TNKS: variants seen among roughly 807,000 people sequenced by gnomAD.
TNKS encodes tankyrase.
TNKS carries 72 observed loss-of-function variants against 135.8 expected under a neutral mutation model. The ratio of observed to expected loss-of-function variants is 0.53; its 90% CI spans 0.44 to 0.64. TNKS has a LOEUF of 0.64. Ranked by LOEUF, TNKS falls within the 30% of genes least tolerant of loss-of-function variation. The pLI, the probability that TNKS is intolerant of heterozygous loss-of-function variation, is 0.00. For missense variants in TNKS, 1,769 were observed against 1,674.0 expected (o/e 1.06, Z -0.99); for synonymous variants, 849 against 649.3 (o/e 1.31, Z -4.68).
intron 8 of TNKS, among the ~76,000 whole-genome samples, chr8:9,708,089 A>G (rs747044063): frequency 3.3e-5 from 5 of 152,138 alleles, no homozygotes; most frequent in Admixed American, 6.5e-5. Flanking sequence ...CTTTTGGTGG[A>G]CATTTAGGTT....
intron 3 of TNKS, among the ~76,000 whole-genome samples, chr8:9,645,005 G>A (rs770548276): frequency 6.6e-6 from 1 of 152,130 alleles, no homozygotes; most frequent in Non-Finnish European, 1.5e-5. Context: ...GATGTATCAT[G>A]GGTTTGGTGT....
At chr8:9,735,299 T>A in intron 16 of TNKS, 78 bp from the exon 17 acceptor site, 1 of 1,348,096 alleles carries the variant, frequency 7.4e-7, no homozygotes, top group Non-Finnish European at 1.0e-6. Flanking sequence ...CTTAACATTT[T>A]CTGGTCCTTA....
intron 20 of TNKS, among the ~76,000 whole-genome samples, chr8:9,753,075 G>A (rs866239362): frequency 3.3e-5 from 5 of 151,904 alleles, no homozygotes; most frequent in African/African-American, 1.2e-4. Context: ...AGCCAGAGGA[G>A]CCCAGTATTT....
At chr8:9,747,404 C>T (rs1211676468) in intron 17 of TNKS, among the ~76,000 whole-genome samples, 2 of 152,038 alleles carry the variant, frequency 1.3e-5, no homozygotes, top group African/African-American at 2.4e-5. Context: ...GTCAATGGTT[C>T]AGGGTCTCAT....
At chr8:9,694,428 C>T (rs375185413) in intron 5 of TNKS, among the ~76,000 whole-genome samples, 1 of 152,030 alleles carries the variant, frequency 6.6e-6, no homozygotes, top group East Asian at 1.9e-4. Flanking sequence ...AGTAAAAGAT[C>T]GTGGCAAGTG....
At chr8:9,557,572 TTATATTGGAAATACA>T (rs1701407692) in intron 1 of TNKS, 2 of 152,154 alleles carry the variant, frequency 1.3e-5, no homozygotes, top group Non-Finnish European at 1.5e-5. Flanking sequence ...ATTAGAAACA[TTATATTGGAAATACA>T]TATATTGTAC....
intron 5 of TNKS, among the ~76,000 whole-genome samples, chr8:9,693,330 G>GA (rs1417519419): frequency 8.6e-5 from 13 of 151,732 alleles, no homozygotes; most frequent in Non-Finnish European, 1.3e-4. Flanking sequence ...ATTTGTGTGG[G>GA]AAAAAACAGC....
chr8:9,668,101 C>T (rs906736475), intron 3 of TNKS, among the ~76,000 whole-genome samples: 3 of 152,130 alleles, frequency 2.0e-5, no homozygotes, highest in African/African-American at 7.2e-5. Context: ...AGTAATCACC[C>T]GTGTGAACAT....
rs147739332 is a variant in TNKS, at chr8:9,598,051, A to G, written c.899-17531A>G. ...GTCCTTTAGATTGAAAGTACAGCAG[A>G]ATGTTGGCATTTCAGTCTGTTGAAT... On this transcript the variant is annotated intron_variant, in intron 2 of 26. Transcript: ENST00000310430. Among the ~76,000 whole-genome samples, 800 of 152,260 alleles carry G rather than the reference A, an allele frequency of 5.3e-3. 4 individuals are homozygous for G. Among genetic ancestry groups the G allele is most frequent in the Middle Eastern group, 0.014 (4 of 294 alleles).
chr8:9,557,311 G>A (rs1211193308), intron 1 of TNKS: 1 of 151,856 alleles, frequency 6.6e-6, no homozygotes, highest in Non-Finnish European at 1.5e-5. Flanking sequence ...ATAAAATGAT[G>A]TTGTGCGAGC....
At chr8:9,707,213 C>T (rs773317375) in intron 8 of TNKS, among the ~76,000 whole-genome samples, 1 of 152,090 alleles carries the variant, frequency 6.6e-6, no homozygotes, top group Non-Finnish European at 1.5e-5. Context: ...AGTTTTAATT[C>T]GTATGTTGAA....
chr8:9,707,976 T>G (rs1452179632), intron 8 of TNKS, among the ~76,000 whole-genome samples: 1 of 152,210 alleles, frequency 6.6e-6, no homozygotes, highest in Non-Finnish European at 1.5e-5. Flanking sequence ...TGAATTTTCA[T>G]GTACCACTGT....
At chr8:9,605,695 T>C (rs1799190385) in intron 2 of TNKS, among the ~76,000 whole-genome samples, 1 of 152,120 alleles carries the variant, frequency 6.6e-6, no homozygotes, top group African/African-American at 2.4e-5. Flanking sequence ...TTCTGTTGAC[T>C]AATAATGTTG....
At chr8:9,626,955 C>T (rs1408409651) in intron 3 of TNKS, among the ~76,000 whole-genome samples, 1 of 152,164 alleles carries the variant, frequency 6.6e-6, no homozygotes, top group Non-Finnish European at 1.5e-5. Context: ...CTGGCAGTCT[C>T]CAGGTAGCTT....
At chr8:9,609,953 G>A (rs571142977) in intron 2 of TNKS, among the ~76,000 whole-genome samples, 126 of 152,204 alleles carry the variant, frequency 8.3e-4, no homozygotes, top group African/African-American at 2.8e-3. Context: ...CACCTCCCGG[G>A]TTCACGCCAT....
intron 1 of TNKS, among the ~76,000 whole-genome samples, chr8:9,571,346 T>G (rs1444708462): frequency 1.3e-5 from 2 of 152,232 alleles, no homozygotes; most frequent in African/African-American, 2.4e-5. Flanking sequence ...CGTCTTAGTC[T>G]TCACACTGAC....
intron 20 of TNKS, among the ~76,000 whole-genome samples, chr8:9,757,864 ATG>A (rs1367465090): frequency 6.6e-6 from 1 of 152,232 alleles, no homozygotes; most frequent in Non-Finnish European, 1.5e-5. Context: ...AACATTTTAT[ATG>A]TGAATGAGCT....
chr8:9,754,607 C>T (rs1355243459), intron 20 of TNKS, among the ~76,000 whole-genome samples: 1 of 151,974 alleles, frequency 6.6e-6, no homozygotes, highest in Admixed American at 6.6e-5. Context: ...TAAAAGAAGA[C>T]CTTAATTCTA....
rs1807554152 is a variant in TNKS, at chr8:9,767,842, C to T, written c.3740+1417C>T. On this transcript the variant is annotated intron_variant, in intron 25 of 26. Coordinates refer to ENST00000310430, the MANE Select transcript of TNKS (RefSeq NM_003747.3). The stretch of plus-strand genomic sequence containing the variant: ...GGCGTGGTGGCAGGCGCTTGTAGTC[C>T]AAGCTACTCGGGAGGCTGAGGCAGG... Among the ~76,000 whole-genome samples the T allele has an allele frequency of 2.6e-5, 4 of 151,428 alleles. No homozygotes were observed. The South Asian group carries it at 8.3e-4, about 32-fold the overall frequency.
Sources: gnomAD v4.1 joint callset for allele counts (sites outside exome capture counted in the v4.1 genomes callset) on GRCh38, gnomAD v4.1.1 for gene constraint, MANE v1.5 for transcripts, NCBI Gene and HGNC (gene_info 2026-07-23, HGNC 2026-07-21) for gene names.